Variants in PPP3R1 observed in about 807,000 individuals in gnomAD.
PPP3R1 encodes the protein protein phosphatase 3 regulatory subunit B, alpha, also known as calcineurin subunit B type 1.
Under a neutral mutation model 22.6 loss-of-function variants are expected in PPP3R1, and 5 were observed. That is an observed-to-expected ratio of 0.22 (90% CI 0.12 to 0.46). PPP3R1 has a LOEUF of 0.46. Ranked by LOEUF, PPP3R1 falls within the 20% of genes least tolerant of loss-of-function variation. The pLI, the probability that PPP3R1 is intolerant of heterozygous loss-of-function variation, is 0.99. For synonymous variants in PPP3R1, 56 were observed against 65.2 expected, an observed-to-expected ratio of 0.86 and a Z score of 0.68; for missense variants, 61 against 203.2, an observed-to-expected ratio of 0.30 and a Z score of 4.25.
intron 1 of PPP3R1, among the ~76,000 whole-genome samples, chr2:68,244,329 C>T (rs944980432): frequency 1.3e-5 from 2 of 152,086 alleles, no homozygotes; most frequent in African/African-American, 4.8e-5. Context: ...TATTTATTAC[C>T]TTGTTAACTG....
intron 1 of PPP3R1, among the ~76,000 whole-genome samples, chr2:68,232,139 A>ACACACACACAC (rs1669920287): frequency 9.0e-6 from 1 of 110,862 alleles, no homozygotes; most frequent in Non-Finnish European, 1.9e-5. Context: ...ACACACACAC[A>ACACACACACAC]TATATATGTA....
intron 1 of PPP3R1, among the ~76,000 whole-genome samples, chr2:68,240,029 T>C (rs1008800405): frequency 1.3e-5 from 2 of 152,242 alleles, no homozygotes; most frequent in Middle Eastern, 3.2e-3. Flanking sequence ...CTAATGTAAG[T>C]GTTCTAAGCA....
intron 1 of PPP3R1, among the ~76,000 whole-genome samples, chr2:68,238,063 C>T (rs1670049892): frequency 6.6e-6 from 1 of 152,080 alleles, no homozygotes; most frequent in South Asian, 2.1e-4. Flanking sequence ...GGTAGCTCTC[C>T]TATTTGTGCC....
At chr2:68,231,375 TC>T (rs1669894756) in intron 1 of PPP3R1, among the ~76,000 whole-genome samples, 1 of 152,078 alleles carries the variant, frequency 6.6e-6, no homozygotes, top group Non-Finnish European at 1.5e-5. Flanking sequence ...CTTTTTTTTT[TC>T]CTGTTTCATG....
intron 2 of PPP3R1, among the ~76,000 whole-genome samples, chr2:68,210,574 G>A (rs1669458506): frequency 6.6e-6 from 1 of 152,170 alleles, no homozygotes; most frequent in Non-Finnish European, 1.5e-5. Context: ...TACTTTGAAA[G>A]TGTGCAGACT....
intron 1 of PPP3R1, among the ~76,000 whole-genome samples, chr2:68,232,363 C>T (rs1669934065): frequency 6.8e-6 from 1 of 147,342 alleles, no homozygotes; most frequent in East Asian, 2.0e-4. Flanking sequence ...ATCACTCGAA[C>T]CTGGGAGGTG....
At chr2:68,200,646 T>C (rs1051145922) in intron 2 of PPP3R1, among the ~76,000 whole-genome samples, 1 of 152,218 alleles carries the variant, frequency 6.6e-6, no homozygotes, top group African/African-American at 2.4e-5. Flanking sequence ...CTTGAAATAC[T>C]TTCTGATCTA....
Position 68,180,771 on chromosome 2 carries a change from T to G in PPP3R1, c.*192A>C. On this transcript the variant is annotated 3_prime_UTR_variant, in exon 6 of 6. Coordinates refer to ENST00000234310, the MANE Select transcript of PPP3R1 (RefSeq NM_000945.4). ...TGCTGTCCTTCAGACTTTAAAGTGC[T>G]ACACTGAGTTATTGAGAGAATTACA... 1.7e-6 allele frequency: 1 copy of G among 589,690 alleles called. No individual in the cohort carries two copies. The highest frequency in any genetic ancestry group is 3.0e-6 in the Non-Finnish European group (1 of 332,614). The allele number at this position is 589,690 out of a possible 1,614,324, so 36.5% of individuals were successfully genotyped here.
At chr2:68,198,285 G>C (rs13004649) in intron 2 of PPP3R1, among the ~76,000 whole-genome samples, 1 of 133,794 alleles carries the variant, frequency 7.5e-6, no homozygotes, top group African/African-American at 2.7e-5. Context: ...ATGCATGTAT[G>C]TGTATACACA....
chr2:68,237,231 T>A (rs749677619), intron 1 of PPP3R1, among the ~76,000 whole-genome samples: 26 of 152,196 alleles, frequency 1.7e-4, no homozygotes, highest in Middle Eastern at 3.2e-3. Context: ...GAATACTACA[T>A]ACTGGTTTCC....
chr2:68,240,352 C>T (rs923850439), intron 1 of PPP3R1, among the ~76,000 whole-genome samples: 2 of 152,194 alleles, frequency 1.3e-5, no homozygotes, highest in Admixed American at 6.5e-5. Context: ...TGTTCTGATT[C>T]TGAGAGCTAT....
At chr2:68,217,002 G>A (rs1276344255) in intron 2 of PPP3R1, 90 bp downstream of exon 2, 1 of 896,684 alleles carries the variant, frequency 1.1e-6, no homozygotes, top group Non-Finnish European at 1.7e-6. Context: ...ATACATTACA[G>A]AGGTATGATA....
intron 1 of PPP3R1, among the ~76,000 whole-genome samples, chr2:68,251,896 G>A (rs1670368047): frequency 1.4e-5 from 2 of 141,582 alleles, no homozygotes; most frequent in African/African-American, 5.2e-5. Flanking sequence ...GCAGAGGGGC[G>A]CCCCGCAGAG....
chr2:68,237,157 A>C (rs1298260358), intron 1 of PPP3R1, among the ~76,000 whole-genome samples: 1 of 152,186 alleles, frequency 6.6e-6, no homozygotes. Flanking sequence ...TGACTCTGTT[A>C]ATCACTACAT....
intron 5 of PPP3R1, among the ~76,000 whole-genome samples, chr2:68,185,764 G>A (rs1674532829): frequency 6.6e-6 from 1 of 151,970 alleles, no homozygotes; most frequent in Non-Finnish European, 1.5e-5. Context: ...GGGTAGTTCA[G>A]TGTCTTAAAC....
At chr2:68,195,023 T>A (rs1342773317) in intron 2 of PPP3R1, among the ~76,000 whole-genome samples, 1 of 152,164 alleles carries the variant, frequency 6.6e-6, no homozygotes, top group East Asian at 1.9e-4. Flanking sequence ...AAGAACACTC[T>A]CCAAGTTTCA....
chr2:68,234,235 C>T (rs1431413198), intron 1 of PPP3R1, among the ~76,000 whole-genome samples: 1 of 151,714 alleles, frequency 6.6e-6, no homozygotes, highest in Non-Finnish European at 1.5e-5. Flanking sequence ...CCCAGCTACT[C>T]GGGAGGCTAA....
chr2:68,251,148 T>C (rs767284319), intron 1 of PPP3R1: 3 of 152,310 alleles, frequency 2.0e-5, no homozygotes, highest in Middle Eastern at 3.4e-3. Context: ...AACTAACGAC[T>C]AGGGCTTCCC....
At chr2:68,206,125 A>G (rs902630814) in intron 2 of PPP3R1, among the ~76,000 whole-genome samples, 7 of 152,090 alleles carry the variant, frequency 4.6e-5, no homozygotes, top group African/African-American at 1.7e-4. Flanking sequence ...GCGGCTCTTA[A>G]AAGGTTCAAA....
Sources: allele counts gnomAD v4.1 joint callset (sites outside exome capture counted in the v4.1 genomes callset), GRCh38; gene constraint gnomAD v4.1.1; transcripts MANE v1.5; gene names NCBI Gene and HGNC (gene_info 2026-07-23, HGNC 2026-07-21).